The following PCDHA11 variants were observed in gnomAD, a reference collection of about 807,000 sequenced individuals.
The protein encoded by PCDHA11 is protocadherin alpha 11.
In PCDHA11, 61 loss-of-function variants were observed where a neutral mutation model predicts 70.3. The ratio of observed to expected loss-of-function variants is 0.87; its 90% CI spans 0.71 to 1.07. The LOEUF (loss-of-function observed/expected upper bound fraction) is 1.07, where lower values mean the gene tolerates loss of function less well. Ranked by LOEUF, PCDHA11 falls within the 50% of genes least tolerant of loss-of-function variation. PCDHA11 has a pLI of 0.00. For synonymous variants in PCDHA11, 633 were observed against 555.1 expected, an observed-to-expected ratio of 1.14 and a Z score of -1.97; for missense variants, 1,324 against 1,237.5, an observed-to-expected ratio of 1.07 and a Z score of -1.05.
At chr5:140,922,430 A>G (rs574413053) in intron 1 of PCDHA11, among the ~76,000 whole-genome samples, 6 of 152,246 alleles carry the variant, frequency 3.9e-5, no homozygotes, top group Non-Finnish European at 7.3e-5. Context: ...GGCTGAGGGC[A>G]GAACTCTCTC....
At chr5:140,942,361 G>A (rs1554214935) in intron 1 of PCDHA11, among the ~76,000 whole-genome samples, 1 of 151,920 alleles carries the variant, frequency 6.6e-6, no homozygotes, top group East Asian at 1.9e-4. Context: ...GCAGTTAACG[G>A]AGATTGCACC....
At chr5:140,928,810 G>T (rs143843461) in intron 1 of PCDHA11, 1 of 1,614,106 alleles carries the variant, frequency 6.2e-7, no homozygotes. Context: ...AGTGGTTCGG[G>T]ACCATGGAGA....
In PCDHA11 at chr5:140,882,793, C is replaced by A. The variant is rs1176435531; in HGVS notation, c.2391+11299C>A. 2.5e-6 allele frequency: 4 copies of A among 1,614,092 alleles called. No individual in the cohort carries two copies. In the Admixed American group the frequency reaches 6.7e-5, roughly 27 times the overall value. On this transcript the variant is annotated intron_variant, in intron 1 of 3. Coordinates refer to ENST00000398640, the MANE Select transcript of PCDHA11 (RefSeq NM_018902.5). ...CATTGACCTACCGACTGGATCCCAA[C>A]GATTATTTCACTTTGGACGCACAAA... is the stretch of plus-strand genomic sequence containing the variant.
chr5:140,992,681 G>A (rs575311513), intron 3 of PCDHA11, among the ~76,000 whole-genome samples: 2 of 152,286 alleles, frequency 1.3e-5, no homozygotes, highest in South Asian at 4.2e-4. Flanking sequence ...TGTGTGTTAG[G>A]GGTTGAGGGG....
At chr5:140,965,113 G>C (rs1343720863) in intron 1 of PCDHA11, among the ~76,000 whole-genome samples, 1 of 152,218 alleles carries the variant, frequency 6.6e-6, no homozygotes, top group Non-Finnish European at 1.5e-5. Context: ...ATGACCCATA[G>C]AGGAAGATCT....
chr5:140,953,536 A>G (rs2094900021), intron 1 of PCDHA11, among the ~76,000 whole-genome samples: 1 of 152,124 alleles, frequency 6.6e-6, no homozygotes, highest in Non-Finnish European at 1.5e-5. Flanking sequence ...AACTCACTTC[A>G]TGCTGATTCT....
At chr5:140,951,672 T>C (rs1242247980) in intron 1 of PCDHA11, among the ~76,000 whole-genome samples, 1 of 152,114 alleles carries the variant, frequency 6.6e-6, no homozygotes, top group Non-Finnish European at 1.5e-5. Flanking sequence ...GCCTACAAAA[T>C]TGGGGATTAC....
chr5:140,894,098 T>C (rs1025974161), intron 1 of PCDHA11, among the ~76,000 whole-genome samples: 2 of 152,178 alleles, frequency 1.3e-5, no homozygotes, highest in Non-Finnish European at 2.9e-5. Flanking sequence ...TTCTAGCTCC[T>C]GGTGTTGCAG....
chr5:140,986,114 T>A (rs1465954606), intron 3 of PCDHA11, among the ~76,000 whole-genome samples: 1 of 152,168 alleles, frequency 6.6e-6, no homozygotes, highest in Non-Finnish European at 1.5e-5. Flanking sequence ...AAGATAAAGA[T>A]GCCACACTCT....
intron 1 of PCDHA11, among the ~76,000 whole-genome samples, chr5:140,977,477 A>G (rs919582107): frequency 4.6e-5 from 7 of 152,230 alleles, no homozygotes. Flanking sequence ...AGATAATTTT[A>G]TGCTATGTTA....
chr5:140,877,087 G>C lies in PCDHA11; in HGVS notation c.2391+5593G>C. On this transcript the variant is annotated intron_variant, in intron 1 of 3. Transcript: ENST00000398640. ...GCTGCAGTTCCAGGTGAGCGCGCGC[G>C]ACGCCGGCGTGCCGCCTCTGGGCAG... 2.5e-6 allele frequency: 4 copies of C among 1,613,212 alleles called. No homozygotes were observed. The South Asian group carries it at 3.3e-5, about 13-fold the overall frequency.
chr5:141,002,284 A>T (rs1334096097), intron 3 of PCDHA11, among the ~76,000 whole-genome samples: 1 of 152,180 alleles, frequency 6.6e-6, no homozygotes, highest in Non-Finnish European at 1.5e-5. Flanking sequence ...CAAAGGGATG[A>T]ATGGGGAGCA....
At chr5:140,925,219 AG>A (rs1324328907) in intron 1 of PCDHA11, among the ~76,000 whole-genome samples, 1 of 152,238 alleles carries the variant, frequency 6.6e-6, no homozygotes, top group Admixed American at 6.5e-5. Context: ...ACTTTTAGGC[AG>A]GTTTCTACCA....
In PCDHA11 at chr5:140,871,159, GC is replaced by G. The variant is rs1562658226; in HGVS notation, c.2057del (p.Ala686GlyfsTer14). On this transcript the variant is annotated frameshift_variant, in exon 1 of 4. Coordinates refer to ENST00000398640, the MANE Select transcript of PCDHA11 (RefSeq NM_018902.5). LOFTEE classifies it high-confidence loss of function. The stretch of plus-strand genomic sequence containing the variant: ...CTCTTCCCGGACTTTGGCGGGCGCC[GC>G]GAGCCCAGAGGCTGCGCTGGTGGAT... ...KASSRTLAGAASPEAALVDVN... is the reference protein window; with the variant it reads ...KASSRTLAGAXSPEAALVDVN... 6.2e-7 allele frequency: 1 copy of G among 1,613,450 alleles called. No individual in the cohort carries two copies. The highest frequency in any genetic ancestry group is 8.5e-7 in the Non-Finnish European group (1 of 1,179,946).
Position 140,869,037 on chromosome 5 carries a change from C to G in PCDHA11, c.-67C>G, listed in dbSNP as rs547872988. The G allele has an allele frequency of 6.5e-7, 1 of 1,528,286 alleles. No homozygotes were observed. Among genetic ancestry groups the G allele is most frequent in the African/African-American group, 1.4e-5 (1 of 71,852 alleles). 94.7% of individuals were successfully genotyped at this position (1,528,286 alleles called of 1,614,324 possible). A position where few individuals can be genotyped will look rare whatever the true frequency, so the allele number is the denominator to read the frequency against. ...CTTAAGAATTCAACGAGATTTTTAA[C>G]CTGAAACTGAAGAATCTGGTACTGT... On this transcript the variant is annotated 5_prime_UTR_variant, in exon 1 of 4. Transcript: ENST00000398640.
rs2098417673 is a variant in PCDHA11, at chr5:141,010,569, T to C, written c.*632T>C. ...AAAACTACCCCCACTGACAAGGCTT[T>C]AGGAGACCCTAAAGTCTGTTGGCTG... On this transcript the variant is annotated 3_prime_UTR_variant, in exon 4 of 4. Transcript: ENST00000398640. 1.4e-5 allele frequency: 4 copies of C among 283,140 alleles called. No individual in the cohort carries two copies. The South Asian group carries it at 2.4e-4, about 17-fold the overall frequency. The allele number at this position is 283,140 out of a possible 1,614,324, so 17.5% of individuals were successfully genotyped here.
chr5:140,872,338 A>T (rs970096150), intron 1 of PCDHA11, among the ~76,000 whole-genome samples: 2 of 152,156 alleles, frequency 1.3e-5, no homozygotes, highest in Non-Finnish European at 2.9e-5. Context: ...AAAATTCTAC[A>T]TGTTCTTGCC....
intron 1 of PCDHA11, chr5:140,929,499 C>T: frequency 1.0e-6 from 1 of 980,264 alleles, no homozygotes; most frequent in Non-Finnish European, 1.4e-6. Context: ...GAAGATTGCC[C>T]TAGGCCTCAA....
chr5:140,960,249 T>C (rs2095534563), intron 1 of PCDHA11, among the ~76,000 whole-genome samples: 1 of 152,210 alleles, frequency 6.6e-6, no homozygotes, highest in African/African-American at 2.4e-5. Flanking sequence ...AGAAGCTTCC[T>C]GGAGCTTCTG....
Sources: gnomAD v4.1 joint callset for allele counts (sites outside exome capture counted in the v4.1 genomes callset) on GRCh38, gnomAD v4.1.1 for gene constraint, MANE v1.5 for transcripts, NCBI Gene and HGNC (gene_info 2026-07-23, HGNC 2026-07-21) for gene names.